IFT122: variants seen among roughly 807,000 people sequenced by gnomAD.
IFT122 encodes intraflagellar transport protein 122 homolog.
IFT122 carries 118 observed loss-of-function variants against 161.6 expected under a neutral mutation model. That is an observed-to-expected ratio of 0.73 (90% CI 0.63 to 0.85). The LOEUF is 0.85. IFT122 is among the 40% of genes least tolerant of loss of function. The pLI is 0.00. For synonymous variants in IFT122, 550 were observed against 602.4 expected, an observed-to-expected ratio of 0.91 and a Z score of 1.27; for missense variants, 1,381 against 1,579.6, an observed-to-expected ratio of 0.87 and a Z score of 2.13.
At chr3:129,498,161 G>C (rs1341226766) in intron 18 of IFT122, among the ~76,000 whole-genome samples, 1 of 152,198 alleles carries the variant, frequency 6.6e-6, no homozygotes, top group African/African-American at 2.4e-5. Flanking sequence ...GAGCCTTGAA[G>C]GAAGCTTTTA....
intron 4 of IFT122, 155 bp from the exon 5 acceptor site, chr3:129,461,050 AAGGAGAATTAATTCTTTAGGAGT>A (rs766674446): frequency 1.0e-6 from 1 of 1,003,960 alleles, no homozygotes; most frequent in Non-Finnish European, 1.6e-6. Context: ...GGGTGAGGAG[AAGGAGAATTAATTCTTTAGGAGT>A]AGGAGAATTA....
chr3:129,504,461 G>A (rs1335327195), intron 21 of IFT122, 40 bp downstream of exon 21: 1 of 1,509,510 alleles, frequency 6.6e-7, no homozygotes, highest in South Asian at 1.1e-5. Flanking sequence ...AGGAGCAGGA[G>A]AAGTTACTGC....
At chr3:129,455,347 A>G (rs1411571135) in intron 3 of IFT122, among the ~76,000 whole-genome samples, 1 of 151,228 alleles carries the variant, frequency 6.6e-6, no homozygotes, top group Non-Finnish European at 1.5e-5. Flanking sequence ...TAATTTTTGT[A>G]TTTTCAGTAG....
intron 1 of IFT122, among the ~76,000 whole-genome samples, chr3:129,445,124 G>A (rs183886651): frequency 4.7e-4 from 71 of 152,164 alleles, no homozygotes; most frequent in Admixed American, 2.0e-3. Context: ...TCAGGAGTTC[G>A]AGACCAGCCT....
chr3:129,458,850 A>G (rs909765986), intron 4 of IFT122, among the ~76,000 whole-genome samples, 173 bp downstream of exon 4: 1 of 152,138 alleles, frequency 6.6e-6, no homozygotes, highest in African/African-American at 2.4e-5. Context: ...AAGTTAATGA[A>G]TATTTCTTGG....
chr3:129,490,925 C>G (rs1577823528), intron 16 of IFT122, among the ~76,000 whole-genome samples: 2 of 152,334 alleles, frequency 1.3e-5, no homozygotes, highest in East Asian at 1.9e-4. Context: ...AACGCTGCCT[C>G]CCACCCCTGC....
chr3:129,516,111 CAGACTGCCCCTGCACACACAG>C (rs1185156886), intron 26 of IFT122, among the ~76,000 whole-genome samples: 4 of 128,012 alleles, frequency 3.1e-5, no homozygotes, highest in South Asian at 2.7e-4. Flanking sequence ...CACACACACA[CAGACTGCCCCTGCACACACAG>C]AGACTGCCCC....
intron 28 of IFT122, 63 bp from the exon 29 acceptor site, chr3:129,519,505 C>A: frequency 6.3e-7 from 1 of 1,598,950 alleles, no homozygotes; most frequent in Non-Finnish European, 8.5e-7. Flanking sequence ...GGATCATAAT[C>A]CACACAGATG....
At chr3:129,495,853 G>A (rs2080775861) in intron 18 of IFT122, among the ~76,000 whole-genome samples, 1 of 152,230 alleles carries the variant, frequency 6.6e-6, no homozygotes, top group African/African-American at 2.4e-5. Flanking sequence ...ATCAGTGACA[G>A]GGCTGGATGG....
Position 129,506,447 on chromosome 3 carries a change from G to A in IFT122, c.2689G>A (p.Val897Met). ...TGGGCGACAGAGAGAAGCGGTCCAG[G>A]TGCTGGAGCAGCTCACAAACAATGC... ...KAGRQREAVQ[V>M]LEQLTNNAVA... Residue 897 changes from valine (V) to methionine (M), a missense_variant, in exon 22 of 30, where the codon GTG becomes ATG. This residue lies in a region of IFT122 where 496 missense variants were observed against 502.5 expected (regional missense o/e 0.99). Transcript: ENST00000348417. 6.2e-7 allele frequency: 1 copy of A among 1,614,210 alleles called. No homozygotes were observed. Among genetic ancestry groups the A allele is most frequent in the African/African-American group, 1.3e-5 (1 of 75,058 alleles).
chr3:129,446,860 G>GT lies in IFT122; in HGVS notation c.42-3004dup, dbSNP rs560179270. Among the ~76,000 whole-genome samples the GT allele has an allele frequency of 3.9e-3, 595 of 152,174 alleles. 2 individuals carry two copies. The highest frequency in any genetic ancestry group is 0.013 in the African/African-American group (537 of 41,512). Reference sequence around the variant, plus strand: ...AAACTTTTACTATGGGTTGGGTTTTGTTTTTTTGTTGTTGTTGTTTGTTTT... The same window carrying GT: ...AAACTTTTACTATGGGTTGGGTTTTGTTTTTTTTGTTGTTGTTGTTTGTTTT... On this transcript the variant is annotated intron_variant, in intron 1 of 29. Coordinates refer to ENST00000348417, the MANE Select transcript of IFT122 (RefSeq NM_052989.3).
At position 129,502,767 on chromosome 3, in the gene IFT122, GCGCT is replaced by G; in HGVS notation, c.2433_2436del (p.Cys811Ter). On this transcript the variant is annotated frameshift_variant, in exon 20 of 30. Transcript: ENST00000348417. LOFTEE classifies it high-confidence loss of function. ...GCTGAGCGCGAGCCCCTGCTGCTGT[GCGCT>G]ACCTACCTCAAGAAGCTGGACAGCC... The G allele has an allele frequency of 1.2e-6, 2 of 1,612,432 alleles. No individual in the cohort carries two copies. Among genetic ancestry groups the G allele is most frequent in the Non-Finnish European group, 1.7e-6 (2 of 1,180,028 alleles).
At chr3:129,452,697 A>C (rs941013569) in intron 3 of IFT122, among the ~76,000 whole-genome samples, 1 of 152,224 alleles carries the variant, frequency 6.6e-6, no homozygotes, top group East Asian at 1.9e-4. Flanking sequence ...TTTGATTCTC[A>C]GTCAAAATGG....
At chr3:129,483,988 C>T (rs1191098949) in intron 15 of IFT122, 8 of 437,796 alleles carry the variant, frequency 1.8e-5, no homozygotes, top group Admixed American at 6.9e-5. Flanking sequence ...AGCGTGGGGC[C>T]GAATGGAGTG....
chr3:129,496,449 G>C (rs2080856395), intron 18 of IFT122, among the ~76,000 whole-genome samples: 3 of 152,172 alleles, frequency 2.0e-5, no homozygotes, highest in Admixed American at 2.0e-4. Flanking sequence ...GTCAAAAGTG[G>C]CTCTCAGTAT....
intron 17 of IFT122, among the ~76,000 whole-genome samples, chr3:129,494,987 G>A (rs1378048022): frequency 6.6e-6 from 1 of 152,158 alleles, no homozygotes; most frequent in Non-Finnish European, 1.5e-5. Flanking sequence ...TAGGGATATC[G>A]TAAGACTTGT....
chr3:129,485,169 A>G (rs2079127491), intron 15 of IFT122, among the ~76,000 whole-genome samples: 1 of 152,176 alleles, frequency 6.6e-6, no homozygotes, highest in Admixed American at 6.5e-5. Context: ...AGGTCCTTGC[A>G]CCTGTCCCAA....
chr3:129,455,940 G>C (rs1487953951), intron 3 of IFT122, among the ~76,000 whole-genome samples: 2 of 152,118 alleles, frequency 1.3e-5, no homozygotes, highest in Non-Finnish European at 2.9e-5. Context: ...AGGGATTGGT[G>C]ATGCTGTGCC....
rs777602970 is a variant in IFT122, at chr3:129,514,488, C to A, written c.3087C>A (p.Ala1029=). The A allele has an allele frequency of 5.0e-6, 8 of 1,614,124 alleles. No homozygotes were observed. The Admixed American group carries it at 8.3e-5, about 17-fold the overall frequency. Residue 1029 remains alanine, a synonymous_variant, in exon 25 of 30, where the codon GCC becomes GCA. Coordinates refer to ENST00000348417, the MANE Select transcript of IFT122 (RefSeq NM_052989.3). ...AGCTGCGTGGCCTGTACATCCCTGC[C>A]AGATTCCAAAAGTCCATTGAGCTGG... ...YDKLRGLYIP[A]RFQKSIELGT... is the part of the protein sequence containing the mutation.
Sources: gnomAD v4.1 joint callset for allele counts (sites outside exome capture counted in the v4.1 genomes callset) on GRCh38, gnomAD v4.1.1 for gene constraint, gnomAD v4.1.1 regional missense constraint, MANE v1.5 for transcripts, NCBI Gene and HGNC (gene_info 2026-07-23, HGNC 2026-07-21) for gene names.